The following SCFD2 variants were observed in gnomAD, a reference collection of about 807,000 sequenced individuals.
SCFD2 encodes the protein sec1 family domain containing 2.
A neutral mutation model predicts 58.9 loss-of-function variants in SCFD2; 54 were observed. The observed-to-expected ratio is 0.92, with a 90% CI of 0.74 to 1.15. SCFD2 has a LOEUF of 1.15. Among genes scored for constraint, SCFD2 ranks in the 50% most tolerant of loss-of-function variants. The pLI is 0.00. For synonymous variants in SCFD2, 321 were observed against 335.9 expected, an observed-to-expected ratio of 0.96 and a Z score of 0.49; for missense variants, 805 against 836.6, an observed-to-expected ratio of 0.96 and a Z score of 0.47.
At chr4:52,992,999 G>T (rs1337385572) in intron 5 of SCFD2, among the ~76,000 whole-genome samples, 3 of 151,812 alleles carry the variant, frequency 2.0e-5, no homozygotes, top group Non-Finnish European at 4.4e-5. Flanking sequence ...TTGTTGCTGT[G>T]TCTGTGCAGA....
In SCFD2 at chr4:53,145,374, C is replaced by T. The variant is rs769472371; in HGVS notation, c.1520G>A (p.Cys507Tyr). The T allele has an allele frequency of 3.6e-5, 58 of 1,614,098 alleles. No homozygotes were observed. The highest frequency in any genetic ancestry group is 4.7e-5 in the Non-Finnish European group (56 of 1,180,036). The change falls in exon 5 of 9, where the codon TGT (cysteine) becomes TAT (tyrosine). Residue 507 changes from cysteine (C) to tyrosine (Y), a missense_variant. Around this residue, in one of 3 missense-constraint regions of SCFD2, gnomAD observed 633 missense variants for 646.8 expected, o/e 0.98. Transcript: ENST00000401642. ...CAAAGGTGACAATCCAGATTCCTCA[C>T]AGAAGACCTGAGCCAATGCTTTCTT... ...KVKKALAQVFCEESGLSPLLQ... is the reference protein window; with the variant it reads ...KVKKALAQVFYEESGLSPLLQ...
intron 5 of SCFD2, among the ~76,000 whole-genome samples, chr4:53,100,378 T>C (rs905713129): frequency 1.3e-5 from 2 of 152,170 alleles, no homozygotes; most frequent in African/African-American, 4.8e-5. Flanking sequence ...ATCATAGTTA[T>C]GAAATACTAA....
intron 4 of SCFD2, among the ~76,000 whole-genome samples, chr4:53,172,495 T>A (rs1727210226): frequency 6.6e-6 from 1 of 152,228 alleles, no homozygotes. Flanking sequence ...AACTTCCCTA[T>A]TAGAGCTACT....
intron 5 of SCFD2, among the ~76,000 whole-genome samples, chr4:52,992,004 C>A (rs1721622343): frequency 6.6e-6 from 1 of 151,868 alleles, no homozygotes. Context: ...TCCCTCTCCC[C>A]ACAGTCTCCC....
chr4:53,308,942 A>T (rs906340737), intron 3 of SCFD2, among the ~76,000 whole-genome samples: 3 of 152,072 alleles, frequency 2.0e-5, no homozygotes, highest in African/African-American at 7.2e-5. Context: ...CAGCCTGGCC[A>T]ACATGGTGAA....
At chr4:52,917,481 GATCCATCTAGCC>G (rs1719636809) in intron 6 of SCFD2, among the ~76,000 whole-genome samples, 2 of 152,092 alleles carry the variant, frequency 1.3e-5, no homozygotes, top group African/African-American at 4.8e-5. Context: ...CACAGTCTAG[GATCCATCTAGCC>G]ATCCATCTAC....
chr4:53,296,542 G>A (rs1732039830), intron 3 of SCFD2, among the ~76,000 whole-genome samples: 1 of 151,944 alleles, frequency 6.6e-6, no homozygotes, highest in South Asian at 2.1e-4. Context: ...TTCTTTGTTA[G>A]TCTGCCTAGC....
At chr4:53,337,695 T>C (rs533828976) in intron 2 of SCFD2, among the ~76,000 whole-genome samples, 1 of 152,306 alleles carries the variant, frequency 6.6e-6, no homozygotes, top group East Asian at 1.9e-4. Flanking sequence ...AATGGTAAGG[T>C]AAATTGAGGT....
chr4:53,213,667 TA>T (rs1728699528), intron 4 of SCFD2, among the ~76,000 whole-genome samples: 2 of 152,248 alleles, frequency 1.3e-5, no homozygotes, highest in African/African-American at 4.8e-5. Context: ...TTCATTTATT[TA>T]TTTTTTTATA....
At chr4:53,302,557 A>T (rs1288843654) in intron 3 of SCFD2, among the ~76,000 whole-genome samples, 1 of 152,196 alleles carries the variant, frequency 6.6e-6, no homozygotes, top group Non-Finnish European at 1.5e-5. Flanking sequence ...TGCCATCCCC[A>T]TCAAGCTACC....
At chr4:53,229,136 G>A (rs546637078) in intron 4 of SCFD2, among the ~76,000 whole-genome samples, 76 of 152,272 alleles carry the variant, frequency 5.0e-4, no homozygotes, top group African/African-American at 1.4e-3. Context: ...CAAACAAATG[G>A]AAGAACATCC....
At chr4:52,989,935 C>T (rs1334015188) in intron 5 of SCFD2, among the ~76,000 whole-genome samples, 2 of 152,154 alleles carry the variant, frequency 1.3e-5, no homozygotes, top group Non-Finnish European at 2.9e-5. Flanking sequence ...ATTCTGGCAT[C>T]ATCTCTCTCC....
intron 5 of SCFD2, among the ~76,000 whole-genome samples, chr4:53,049,440 C>G (rs1227789111): frequency 1.3e-5 from 2 of 152,176 alleles, no homozygotes; most frequent in Non-Finnish European, 2.9e-5. Context: ...TCTTCATAAC[C>G]TATATTAACT....
At chr4:53,033,178 C>T (rs1209430516) in intron 5 of SCFD2, among the ~76,000 whole-genome samples, 1 of 151,892 alleles carries the variant, frequency 6.6e-6, no homozygotes, top group Non-Finnish European at 1.5e-5. Flanking sequence ...TCAAAACTGC[C>T]TAACTACATG....
At chr4:53,224,495 T>G (rs1195632685) in intron 4 of SCFD2, among the ~76,000 whole-genome samples, 6 of 152,290 alleles carry the variant, frequency 3.9e-5, no homozygotes, top group Non-Finnish European at 4.4e-5. Flanking sequence ...GAGATTGCCA[T>G]GATGGAGAGG....
At chr4:53,113,567 C>A (rs1366065941) in intron 5 of SCFD2, among the ~76,000 whole-genome samples, 1 of 151,978 alleles carries the variant, frequency 6.6e-6, no homozygotes, top group South Asian at 2.1e-4. Context: ...TTTAGAAACC[C>A]CACTAGAATG....
intron 5 of SCFD2, among the ~76,000 whole-genome samples, chr4:52,951,563 T>A (rs934153193): frequency 3.3e-5 from 5 of 152,192 alleles, no homozygotes; most frequent in African/African-American, 1.2e-4. Flanking sequence ...GGCAGAAGCA[T>A]CATCTGCATA....
At chr4:53,290,811 T>C (rs771428701) in intron 3 of SCFD2, among the ~76,000 whole-genome samples, 4 of 152,128 alleles carry the variant, frequency 2.6e-5, no homozygotes, top group Non-Finnish European at 5.9e-5. Flanking sequence ...CATAAGGTAC[T>C]ATTATGAACA....
At chr4:53,096,263 T>C (rs1291403847) in intron 5 of SCFD2, among the ~76,000 whole-genome samples, 1 of 152,196 alleles carries the variant, frequency 6.6e-6, no homozygotes, top group African/African-American at 2.4e-5. Flanking sequence ...AAATGGTATT[T>C]CTAGTTCTAG....
Sources: gnomAD v4.1 joint callset for allele counts (sites outside exome capture counted in the v4.1 genomes callset) on GRCh38, gnomAD v4.1.1 for gene constraint, gnomAD v4.1.1 regional missense constraint, MANE v1.5 for transcripts, NCBI Gene and HGNC (gene_info 2026-07-23, HGNC 2026-07-21) for gene names.